CDH1: variants seen among roughly 807,000 people sequenced by gnomAD.
The protein encoded by CDH1 is cadherin 1.
In CDH1, 35 loss-of-function variants were observed where a neutral mutation model predicts 84.5. The observed-to-expected ratio is 0.41, with a 90% CI of 0.32 to 0.55. CDH1 has a LOEUF of 0.55. Among genes scored for constraint, CDH1 ranks in the 20% least tolerant of loss-of-function variants. The probability of loss-of-function intolerance (pLI) is 0.19; values close to 1 mark genes in which losing one functional copy is unlikely to be tolerated. For missense variants in CDH1, 994 were observed against 1,126.6 expected (o/e 0.88, Z 1.68); for synonymous variants, 417 against 439.0 (o/e 0.95, Z 0.63).
At chr16:68,767,436 A>T (rs1220305224) in intron 2 of CDH1, among the ~76,000 whole-genome samples, 1 of 151,942 alleles carries the variant, frequency 6.6e-6, no homozygotes, top group Non-Finnish European at 1.5e-5. Context: ...GACCTCAGGT[A>T]ATTCACCCAC....
At chr16:68,828,942 G>A (rs1961403061) in intron 14 of CDH1, among the ~76,000 whole-genome samples, 1 of 152,142 alleles carries the variant, frequency 6.6e-6, no homozygotes, top group Admixed American at 6.6e-5. Context: ...GGAGGTGGGT[G>A]TACAGAGAAA....
intron 2 of CDH1, among the ~76,000 whole-genome samples, chr16:68,743,299 CTT>C (rs1235666216): frequency 8.5e-5 from 1 of 11,714 alleles, no homozygotes; most frequent in African/African-American, 3.7e-4. Context: ...TTCTTTCTTT[CTT>C]TCTTTCTTTC....
chr16:68,810,479 G>A (rs1960791054), intron 6 of CDH1, 138 bp downstream of exon 6: 2 of 755,710 alleles, frequency 2.6e-6, no homozygotes, highest in South Asian at 1.5e-5. Context: ...AGCCATTGTT[G>A]TGTTATATGC....
At chr16:68,791,668 C>T (rs891047551) in intron 2 of CDH1, among the ~76,000 whole-genome samples, 2 of 152,154 alleles carry the variant, frequency 1.3e-5, no homozygotes, top group Non-Finnish European at 2.9e-5. Context: ...GTGATCCTCT[C>T]ACCTCGGCCT....
intron 2 of CDH1, among the ~76,000 whole-genome samples, chr16:68,754,211 C>T (rs1445786093): frequency 6.6e-6 from 1 of 151,818 alleles, no homozygotes; most frequent in Admixed American, 6.6e-5. Context: ...TCCCTTGAGA[C>T]CAGCCTGGGC....
At chr16:68,815,866 C>T (rs952622928) in intron 10 of CDH1, 107 bp downstream of exon 10, 2 of 1,287,814 alleles carry the variant, frequency 1.6e-6, no homozygotes, top group Non-Finnish European at 2.2e-6. Context: ...TTTGTCTGTA[C>T]AAGACCATTC....
intron 3 of CDH1, among the ~76,000 whole-genome samples, chr16:68,802,768 G>T (rs965326943): frequency 6.6e-6 from 1 of 152,160 alleles, no homozygotes; most frequent in Non-Finnish European, 1.5e-5. Context: ...ACTGCGCCTG[G>T]CCAAGAGCTG....
chr16:68,756,814 G>A (rs1597853467), intron 2 of CDH1, among the ~76,000 whole-genome samples: 1 of 152,178 alleles, frequency 6.6e-6, no homozygotes, highest in East Asian at 1.9e-4. Context: ...GACCAGATTG[G>A]GCAACAAAGG....
At chr16:68,782,800 G>T (rs746237222) in intron 2 of CDH1, among the ~76,000 whole-genome samples, 7 of 152,026 alleles carry the variant, frequency 4.6e-5, no homozygotes, top group Non-Finnish European at 1.0e-4. Context: ...CCCACACAGG[G>T]TTCCTTCCCA....
In CDH1 at chr16:68,811,279, T is replaced by C. The variant is rs959419805; in HGVS notation, c.833-405T>C. On this transcript the variant is annotated intron_variant, in intron 6 of 15. Coordinates refer to ENST00000261769, the MANE Select transcript of CDH1 (RefSeq NM_004360.5). ...GGGCGTGGCGACGCATGCCTATAAT[T>C]CCAGATACTTGGGAGGCTGAAGCAG... is the stretch of plus-strand genomic sequence containing the variant. Among the ~76,000 whole-genome samples, 8 of 149,420 alleles carry C rather than the reference T, an allele frequency of 5.4e-5. No homozygotes were observed. The East Asian group carries it at 8.1e-4, about 15-fold the overall frequency.
At chr16:68,819,557 T>A in intron 11 of CDH1, 132 bp downstream of exon 11, 1 of 1,020,960 alleles carries the variant, frequency 9.8e-7, no homozygotes, top group Non-Finnish European at 1.5e-6. Flanking sequence ...TTGATTTGTA[T>A]AAATGTATGG....
chr16:68,809,027 A>G, intron 5 of CDH1, 179 bp downstream of exon 5: 1 of 636,192 alleles, frequency 1.6e-6, no homozygotes. Context: ...GGGGTTGTTA[A>G]TTTTTCTCCT....
intron 2 of CDH1, among the ~76,000 whole-genome samples, chr16:68,765,965 A>G (rs1344247083): frequency 6.6e-6 from 1 of 152,092 alleles, no homozygotes; most frequent in Non-Finnish European, 1.5e-5. Flanking sequence ...CACCCCTACT[A>G]TAATTTTATA....
intron 2 of CDH1, among the ~76,000 whole-genome samples, chr16:68,755,068 C>G (rs1006338109): frequency 1.3e-5 from 2 of 151,518 alleles, no homozygotes; most frequent in Non-Finnish European, 2.9e-5. Flanking sequence ...TCTCTTGAGC[C>G]CAGGAGTTCA....
At chr16:68,823,307 G>C (rs1383104241) in intron 12 of CDH1, 92 bp from the exon 13 acceptor site, 2 of 865,408 alleles carry the variant, frequency 2.3e-6, no homozygotes, top group Non-Finnish European at 3.9e-6. Flanking sequence ...CTCGGCTTGC[G>C]GGTGTCTTTA....
At chr16:68,804,415 A>G (rs529539681) in intron 3 of CDH1, among the ~76,000 whole-genome samples, 1 of 152,088 alleles carries the variant, frequency 6.6e-6, no homozygotes, top group Admixed American at 6.6e-5. Context: ...GCCCGGCCCT[A>G]TCTGCCTTTT....
chr16:68,738,017 C>T (rs1962445684), intron 1 of CDH1, among the ~76,000 whole-genome samples: 1 of 152,060 alleles, frequency 6.6e-6, no homozygotes, highest in South Asian at 2.1e-4. Flanking sequence ...AGAATAAAGA[C>T]ATCTCCAATA....
intron 10 of CDH1, among the ~76,000 whole-genome samples, chr16:68,816,267 C>T (rs1960984708): frequency 1.3e-5 from 2 of 152,314 alleles, no homozygotes; most frequent in African/African-American, 2.4e-5. Context: ...ATCTGCCTGC[C>T]TCCTAAAGTG....
intron 2 of CDH1, among the ~76,000 whole-genome samples, chr16:68,773,045 G>A (rs1277012930): frequency 1.3e-5 from 2 of 152,192 alleles, no homozygotes; most frequent in African/African-American, 4.8e-5. Flanking sequence ...GTGGAAATGG[G>A]TCTCTAAAGG....
Sources: allele counts gnomAD v4.1 joint callset (sites outside exome capture counted in the v4.1 genomes callset), GRCh38; gene constraint gnomAD v4.1.1; transcripts MANE v1.5; gene names NCBI Gene and HGNC (gene_info 2026-07-23, HGNC 2026-07-21).